Variants in MRPS27 observed in about 807,000 individuals in gnomAD.
MRPS27 encodes the protein small ribosomal subunit protein mS27.
A neutral mutation model predicts 48.9 loss-of-function variants in MRPS27; 43 were observed. The ratio of observed to expected loss-of-function variants is 0.88; its 90% CI spans 0.69 to 1.13. MRPS27 has a LOEUF of 1.13. Among genes scored for constraint, MRPS27 ranks in the 50% most tolerant of loss-of-function variants. The pLI is 0.00. For missense variants in MRPS27, 467 were observed against 476.3 expected (o/e 0.98, Z 0.18); for synonymous variants, 188 against 171.9 (o/e 1.09, Z -0.73).
At chr5:72,260,578 G>C (rs995569846) in intron 4 of MRPS27, among the ~76,000 whole-genome samples, 1 of 152,062 alleles carries the variant, frequency 6.6e-6, no homozygotes, top group Admixed American at 6.6e-5. Context: ...AAAGGAAGAG[G>C]GTATCACTTG....
At chr5:72,231,698 T>C (rs1468172591) in intron 7 of MRPS27, among the ~76,000 whole-genome samples, 1 of 152,172 alleles carries the variant, frequency 6.6e-6, no homozygotes, top group Non-Finnish European at 1.5e-5. Flanking sequence ...CTGGACTAAA[T>C]GACCTCTTCA....
intron 7 of MRPS27, among the ~76,000 whole-genome samples, chr5:72,231,515 T>G (rs1748064804): frequency 6.6e-6 from 1 of 152,170 alleles, no homozygotes; most frequent in African/African-American, 2.4e-5. Flanking sequence ...TCCTAAATTG[T>G]AAGCAGAAAA....
chr5:72,238,441 T>C (rs1482845255), intron 4 of MRPS27, among the ~76,000 whole-genome samples: 2 of 152,230 alleles, frequency 1.3e-5, no homozygotes, highest in Non-Finnish European at 2.9e-5. Context: ...CATGGCATTA[T>C]GTAAACAGAT....
chr5:72,240,682 T>C (rs1405992766), intron 4 of MRPS27, among the ~76,000 whole-genome samples: 1 of 152,184 alleles, frequency 6.6e-6, no homozygotes, highest in African/African-American at 2.4e-5. Flanking sequence ...AGACTGATAA[T>C]GAGAGCCTAG....
intron 4 of MRPS27, among the ~76,000 whole-genome samples, chr5:72,275,000 T>C (rs903385473): frequency 2.6e-5 from 4 of 152,104 alleles, no homozygotes; most frequent in African/African-American, 7.2e-5. Flanking sequence ...ACCACTCCTA[T>C]TCAACACAGC....
At chr5:72,292,521 G>A (rs928709495) in intron 4 of MRPS27, among the ~76,000 whole-genome samples, 10 of 152,156 alleles carry the variant, frequency 6.6e-5, no homozygotes, top group Non-Finnish European at 1.2e-4. Context: ...TTCAAAACTT[G>A]AAATCTTCTG....
intron 1 of MRPS27, among the ~76,000 whole-genome samples, chr5:72,318,690 A>G (rs943827445): frequency 9.3e-5 from 14 of 151,340 alleles, no homozygotes; most frequent in African/African-American, 3.4e-4. Flanking sequence ...GCTACTCGGG[A>G]GGCTGAGGCA....
intron 5 of MRPS27, among the ~76,000 whole-genome samples, chr5:72,236,894 T>C (rs1748209925): frequency 6.6e-6 from 1 of 151,608 alleles, no homozygotes; most frequent in Non-Finnish European, 1.5e-5. Flanking sequence ...TTCTCCAAGT[T>C]GTTTTTACTG....
At chr5:72,304,828 A>G (rs371987335) in intron 2 of MRPS27, among the ~76,000 whole-genome samples, 178 of 152,342 alleles carry the variant, frequency 1.2e-3, no homozygotes, top group African/African-American at 4.1e-3. Context: ...TCTTTTCTAC[A>G]TAACTGCACA....
intron 4 of MRPS27, among the ~76,000 whole-genome samples, chr5:72,256,725 G>A (rs1029096221): frequency 6.6e-5 from 10 of 152,176 alleles, no homozygotes; most frequent in African/African-American, 2.4e-4. Context: ...TTACATATTT[G>A]CTTAAGTGAT....
chr5:72,313,857 T>C (rs1014804653), intron 2 of MRPS27, among the ~76,000 whole-genome samples: 14 of 152,198 alleles, frequency 9.2e-5, no homozygotes, highest in African/African-American at 3.4e-4. Context: ...TGTTTACATA[T>C]TCTAAGGAGA....
At chr5:72,260,802 G>A (rs2112000681) in intron 4 of MRPS27, among the ~76,000 whole-genome samples, 1 of 152,256 alleles carries the variant, frequency 6.6e-6, no homozygotes, top group South Asian at 2.1e-4. Flanking sequence ...GTGTTTCTGG[G>A]TCAACAAAAT....
chr5:72,223,927 C>A, intron 9 of MRPS27, 77 bp from the exon 10 acceptor site: 3 of 1,423,046 alleles, frequency 2.1e-6, no homozygotes, highest in Non-Finnish European at 2.9e-6. Context: ...CTAGAGAAGG[C>A]GAAAGAAAGG....
intron 4 of MRPS27, among the ~76,000 whole-genome samples, chr5:72,254,131 CTGA>C (rs1381540331): frequency 2.0e-5 from 3 of 152,152 alleles, no homozygotes; most frequent in Non-Finnish European, 2.9e-5. Flanking sequence ...CTTCTTTGCT[CTGA>C]TGATTTTTCA....
chr5:72,245,170 C>G (rs1180977357), intron 4 of MRPS27, among the ~76,000 whole-genome samples: 1 of 152,216 alleles, frequency 6.6e-6, no homozygotes, highest in Non-Finnish European at 1.5e-5. Flanking sequence ...TCTCCAGCCT[C>G]TCTAAAGCTA....
intron 4 of MRPS27, chr5:72,294,595 A>C (rs1265070140): frequency 6.6e-6 from 1 of 152,188 alleles, no homozygotes; most frequent in Non-Finnish European, 1.5e-5. Flanking sequence ...AGGTTGTTTC[A>C]GTCTTTTGCT....
At chr5:72,221,247 A>T (rs1446728899) in intron 10 of MRPS27, 99 bp from the exon 11 acceptor site, 2 of 1,446,298 alleles carry the variant, frequency 1.4e-6, no homozygotes, top group Admixed American at 2.1e-5. Flanking sequence ...TTTAGATTTG[A>T]ACAAAAGTTT....
chr5:72,263,644 C>T (rs1429786158), intron 4 of MRPS27, among the ~76,000 whole-genome samples: 1 of 150,878 alleles, frequency 6.6e-6, no homozygotes, highest in South Asian at 2.1e-4. Context: ...AAAATAGGCA[C>T]CTGAAAAGGT....
chr5:72,312,108 G>A (rs1262058615), intron 2 of MRPS27, among the ~76,000 whole-genome samples: 2 of 152,072 alleles, frequency 1.3e-5, no homozygotes, highest in Non-Finnish European at 2.9e-5. Flanking sequence ...TTCCAGCCTG[G>A]GCGATAGATA....
Sources: allele counts gnomAD v4.1 joint callset (sites outside exome capture counted in the v4.1 genomes callset), GRCh38; gene constraint gnomAD v4.1.1; transcripts MANE v1.5; gene names NCBI Gene and HGNC (gene_info 2026-07-23, HGNC 2026-07-21).